The following GRID2 variants were observed in gnomAD, a reference collection of about 807,000 sequenced individuals.
GRID2 encodes glutamate receptor ionotropic, delta-2.
In GRID2, 33 loss-of-function variants were observed where a neutral mutation model predicts 114.8. The observed-to-expected ratio is 0.29, with a 90% CI of 0.22 to 0.38. GRID2 has a LOEUF of 0.38. GRID2 is among the 10% of genes least tolerant of loss of function. GRID2 has a pLI of 1.00. For synonymous variants in GRID2, 505 were observed against 449.9 expected, an observed-to-expected ratio of 1.12 and a Z score of -1.55; for missense variants, 1,184 against 1,257.7, an observed-to-expected ratio of 0.94 and a Z score of 0.89.
At chr4:92,787,473 G>A (rs908579570) in intron 2 of GRID2, among the ~76,000 whole-genome samples, 1 of 151,812 alleles carries the variant, frequency 6.6e-6, no homozygotes. Flanking sequence ...ATAAATATTT[G>A]AAGGAAGACA....
At chr4:92,383,510 A>G (rs1297855546) in intron 1 of GRID2, among the ~76,000 whole-genome samples, 1 of 151,958 alleles carries the variant, frequency 6.6e-6, no homozygotes, top group Non-Finnish European at 1.5e-5. Context: ...CTTCCATGTA[A>G]AAGGCTTTGG....
chr4:93,627,003 A>G (rs1742791918), intron 14 of GRID2, among the ~76,000 whole-genome samples: 1 of 152,222 alleles, frequency 6.6e-6, no homozygotes, highest in Non-Finnish European at 1.5e-5. Context: ...TCCATTTTCA[A>G]ATCAGAATTT....
Position 93,791,355 on chromosome 4 carries a change from T to C in GRID2, c.222-15360T>C, listed in dbSNP as rs549029807. Among the ~76,000 whole-genome samples, 8 of 152,288 alleles carry C rather than the reference T, an allele frequency of 5.3e-5. No individual in the cohort carries two copies. The South Asian group carries it at 1.7e-3, about 32-fold the overall frequency. On this transcript the variant is annotated intron_variant, in intron 1 of 1. Coordinates refer to the GRID2 transcript ENST00000637838. ...GGAATATGTTTTGATCTTAAATATG[T>C]CTAGAACTTTAAGAACTTAAGGAAA...
intron 1 of GRID2, among the ~76,000 whole-genome samples, chr4:92,481,811 A>C (rs1274698682): frequency 6.6e-6 from 1 of 151,462 alleles, no homozygotes; most frequent in Non-Finnish European, 1.5e-5. Flanking sequence ...CCATTTTAAC[A>C]ATATTGATTC....
At chr4:93,130,964 A>G (rs962099911) in intron 4 of GRID2, among the ~76,000 whole-genome samples, 3 of 152,048 alleles carry the variant, frequency 2.0e-5, no homozygotes, top group African/African-American at 4.8e-5. Context: ...TCATCTTTCT[A>G]TGAGAGTGTC....
intron 1 of GRID2, among the ~76,000 whole-genome samples, chr4:92,552,604 C>T (rs1726649309): frequency 6.6e-6 from 1 of 152,108 alleles, no homozygotes; most frequent in Non-Finnish European, 1.5e-5. Flanking sequence ...GGAAGACGTT[C>T]TCTTAAGATC....
At chr4:92,673,625 C>T (rs1318295484) in intron 2 of GRID2, among the ~76,000 whole-genome samples, 3 of 152,048 alleles carry the variant, frequency 2.0e-5, no homozygotes, top group African/African-American at 7.2e-5. Context: ...GATATTTTCC[C>T]TGCATATGAA....
chr4:93,510,725 A>C (rs1729082969), intron 12 of GRID2, among the ~76,000 whole-genome samples: 1 of 152,136 alleles, frequency 6.6e-6, no homozygotes, highest in Non-Finnish European at 1.5e-5. Flanking sequence ...AATTCCACAA[A>C]AAAATACCAA....
intron 2 of GRID2, among the ~76,000 whole-genome samples, chr4:92,855,809 T>C (rs1744134529): frequency 6.6e-6 from 1 of 151,982 alleles, no homozygotes; most frequent in South Asian, 2.1e-4. Flanking sequence ...ATAAATACTA[T>C]CTTAGAGATC....
At chr4:93,021,657 T>C (rs928258414) in intron 2 of GRID2, among the ~76,000 whole-genome samples, 1 of 145,224 alleles carries the variant, frequency 6.9e-6, no homozygotes, top group Admixed American at 7.0e-5. Context: ...TAATTATTTA[T>C]AATATGTATA....
intron 2 of GRID2, among the ~76,000 whole-genome samples, chr4:92,651,173 A>C (rs1349543106): frequency 2.0e-5 from 3 of 152,102 alleles, no homozygotes; most frequent in African/African-American, 7.2e-5. Flanking sequence ...CTGTATCCAG[A>C]ATAAATGTCT....
chr4:93,457,844 G>A (rs1261763652), intron 11 of GRID2, among the ~76,000 whole-genome samples: 7 of 152,122 alleles, frequency 4.6e-5, no homozygotes, highest in Non-Finnish European at 1.0e-4. Flanking sequence ...CAGGAGAGAT[G>A]ATACATTCAT....
At chr4:93,139,901 T>C (rs1735603697) in intron 4 of GRID2, among the ~76,000 whole-genome samples, 1 of 152,162 alleles carries the variant, frequency 6.6e-6, no homozygotes, top group Non-Finnish European at 1.5e-5. Flanking sequence ...ATATAAAATA[T>C]GTCTGGATCC....
At chr4:93,293,265 G>A (rs1256085233) in intron 8 of GRID2, among the ~76,000 whole-genome samples, 7 of 152,098 alleles carry the variant, frequency 4.6e-5, no homozygotes, top group Admixed American at 1.3e-4. Flanking sequence ...CCAGTCACAG[G>A]AGCATTTATG....
At chr4:92,907,909 G>C (rs991279725) in intron 2 of GRID2, among the ~76,000 whole-genome samples, 3 of 152,054 alleles carry the variant, frequency 2.0e-5, no homozygotes, top group African/African-American at 7.2e-5. Flanking sequence ...TACAATCCCA[G>C]CTACTCAGGA....
chr4:92,808,494 G>T (rs1480756328), intron 2 of GRID2, among the ~76,000 whole-genome samples: 1 of 152,000 alleles, frequency 6.6e-6, no homozygotes, highest in Admixed American at 6.6e-5. Flanking sequence ...AACATGTTTA[G>T]GGGATGTAAA....
chr4:92,454,801 A>T (rs191191001), intron 1 of GRID2, among the ~76,000 whole-genome samples: 170 of 152,318 alleles, frequency 1.1e-3, no homozygotes, highest in African/African-American at 3.9e-3. Flanking sequence ...GCACCACTGC[A>T]CTCCAGCCTG....
chr4:93,221,238 A>G (rs1744836367), intron 6 of GRID2, among the ~76,000 whole-genome samples: 1 of 152,190 alleles, frequency 6.6e-6, no homozygotes, highest in Non-Finnish European at 1.5e-5. Flanking sequence ...AATTTTTAAC[A>G]GAAACATTGA....
intron 4 of GRID2, among the ~76,000 whole-genome samples, chr4:93,180,297 G>A (rs1739766983): frequency 6.6e-6 from 1 of 152,028 alleles, no homozygotes; most frequent in Non-Finnish European, 1.5e-5. Flanking sequence ...AAGTGCAATA[G>A]TATGATGCCA....
Sources: allele counts gnomAD v4.1 joint callset (sites outside exome capture counted in the v4.1 genomes callset), GRCh38; gene constraint gnomAD v4.1.1; transcripts MANE v1.5; gene names NCBI Gene and HGNC (gene_info 2026-07-23, HGNC 2026-07-21).